The following SYT13 variants were observed in gnomAD, a reference collection of about 807,000 sequenced individuals.
SYT13 encodes the protein synaptotagmin 13.
In SYT13, 21 loss-of-function variants were observed where a neutral mutation model predicts 38.6. The observed-to-expected ratio is 0.54, with a 90% CI of 0.39 to 0.78. The LOEUF is 0.78. SYT13 is among the 30% of genes least tolerant of loss of function. The probability of loss-of-function intolerance (pLI) is 0.00; values close to 1 mark genes in which losing one functional copy is unlikely to be tolerated. For synonymous variants in SYT13, 241 were observed against 237.6 expected, an observed-to-expected ratio of 1.01 and a Z score of -0.13; for missense variants, 495 against 548.7, an observed-to-expected ratio of 0.90 and a Z score of 0.98.
chr11:45,274,565 T>C (rs1216472963), intron 1 of SYT13, among the ~76,000 whole-genome samples: 2 of 152,176 alleles, frequency 1.3e-5, no homozygotes, highest in Admixed American at 6.5e-5. Context: ...TTTAAGATGC[T>C]CCGCGATATG....
chr11:45,265,626 T>G (rs961035005), intron 1 of SYT13, among the ~76,000 whole-genome samples: 1 of 152,174 alleles, frequency 6.6e-6, no homozygotes, highest in Admixed American at 6.5e-5. Context: ...CTCACATGGT[T>G]GAGAGCAGAC....
At chr11:45,257,435 C>T (rs570081612) in intron 1 of SYT13, among the ~76,000 whole-genome samples, 20 of 152,270 alleles carry the variant, frequency 1.3e-4, no homozygotes, top group African/African-American at 4.8e-4. Flanking sequence ...ACCTCCTGCC[C>T]TCCATGCTAG....
chr11:45,271,635 G>A (rs1164969762), intron 1 of SYT13, among the ~76,000 whole-genome samples: 1 of 152,246 alleles, frequency 6.6e-6, no homozygotes, highest in East Asian at 1.9e-4. Flanking sequence ...TTGACAGTTT[G>A]TGAGTAGGAG....
intron 1 of SYT13, among the ~76,000 whole-genome samples, chr11:45,274,871 A>G (rs1467679191): frequency 6.6e-6 from 1 of 152,178 alleles, no homozygotes; most frequent in Non-Finnish European, 1.5e-5. Flanking sequence ...CAAATAAAAC[A>G]TCTCCCTGGG....
chr11:45,272,680 G>C (rs1278838351), intron 1 of SYT13, among the ~76,000 whole-genome samples: 1 of 152,228 alleles, frequency 6.6e-6, no homozygotes, highest in Non-Finnish European at 1.5e-5. Context: ...TGGAAGGTCA[G>C]TGATATCAGA....
chr11:45,276,729 TA>T (rs1386525122), intron 1 of SYT13, among the ~76,000 whole-genome samples: 9 of 150,794 alleles, frequency 6.0e-5, no homozygotes, highest in African/African-American at 2.2e-4. Flanking sequence ...AAAAAATAAA[TA>T]AAATAAATAA....
rs1854547509 is a variant in SYT13 at position 45,241,303 on chromosome 11, C to A, written c.*2749G>T. 6.6e-6 allele frequency: 1 copy of A among 152,186 alleles called. No homozygotes were observed. The allele number at this position is 152,186 out of a possible 1,614,324, so 9.4% of individuals were successfully genotyped here. A position where few individuals can be genotyped will look rare whatever the true frequency, so the allele number is the denominator to read the frequency against. On this transcript the variant is annotated 3_prime_UTR_variant, in exon 6 of 6. Transcript: ENST00000020926. ...CAAATATATATGAATATATATGGAG[C>A]ACCCATGAGACAGCTTTATCCCAGG... is the stretch of plus-strand genomic sequence containing the variant.
Position 45,241,057 on chromosome 11 carries a change from G to A in SYT13, c.*2995C>T, listed in dbSNP as rs1423684815. On this transcript the variant is annotated 3_prime_UTR_variant, in exon 6 of 6. Coordinates refer to ENST00000020926, the MANE Select transcript of SYT13 (RefSeq NM_020826.3). ...GATGGAGTTTTAGTGGAAAAGCAGA[G>A]CAATTATATTCTCTTCATCTGTTGA... 6.6e-6 allele frequency: 1 copy of A among 152,220 alleles called. No individual in the cohort carries two copies. The highest frequency in any genetic ancestry group is 2.4e-5 in the African/African-American group (1 of 41,458). 9.4% of individuals were successfully genotyped at this position (152,220 alleles called of 1,614,324 possible). A position where few individuals can be genotyped will look rare whatever the true frequency, so the allele number is the denominator to read the frequency against.
chr11:45,249,532 A>ATG (rs1854649188), intron 4 of SYT13, among the ~76,000 whole-genome samples: 1 of 152,244 alleles, frequency 6.6e-6, no homozygotes, highest in Non-Finnish European at 1.5e-5. Flanking sequence ...AATAAAGAAT[A>ATG]TGTGGCCCAT....
Position 45,254,517 on chromosome 11 carries a change from G to A in SYT13, c.410-113C>T, listed in dbSNP as rs368052128. 6 of 1,456,868 alleles carry A rather than the reference G, an allele frequency of 4.1e-6. No homozygotes were observed. In the East Asian group the frequency reaches 7.1e-5, roughly 17 times the overall value. The allele number at this position is 1,456,868 out of a possible 1,614,324, so 90.2% of individuals were successfully genotyped here. ...AGGAACCCAAACCCAAGTCTTCCCA[G>A]CTGTGTGCAGAATCACAGTGGCCAC... On this transcript the variant is annotated intron_variant, in intron 2 of 5. Transcript: ENST00000020926.
At chr11:45,245,154 C>T (rs1320176447) in intron 5 of SYT13, among the ~76,000 whole-genome samples, 2 of 152,220 alleles carry the variant, frequency 1.3e-5, no homozygotes, top group Non-Finnish European at 2.9e-5. Context: ...TTCCTGCACG[C>T]TCCCCCAAAC....
At chr11:45,253,401 C>G (rs776670744) in intron 3 of SYT13, among the ~76,000 whole-genome samples, 1 of 152,194 alleles carries the variant, frequency 6.6e-6, no homozygotes, top group Non-Finnish European at 1.5e-5. Flanking sequence ...AGTCATATGA[C>G]TTGCCAGACC....
intron 2 of SYT13, 190 bp from the exon 3 acceptor site, chr11:45,254,594 TC>T: frequency 1.7e-6 from 1 of 592,036 alleles, no homozygotes; most frequent in Non-Finnish European, 2.7e-6. Context: ...TGCATCTGTG[TC>T]CACTGGCTCC....
chr11:45,270,144 C>A (rs1019107826), intron 1 of SYT13, among the ~76,000 whole-genome samples: 3 of 152,170 alleles, frequency 2.0e-5, no homozygotes, highest in African/African-American at 7.2e-5. Context: ...TCCACTTCTG[C>A]CCCCTCTCCT....
chr11:45,276,720 A>AT lies in SYT13; in HGVS notation c.183+9304_183+9305insA, dbSNP rs200587492. ...CCAGTAGGATGACTTTTTAAAAAAAAAAAATAAATAAAATAAATAAAAATT... is the reference window on the plus strand; with the variant it reads ...CCAGTAGGATGACTTTTTAAAAAAAATAAAATAAATAAAATAAATAAAAATT... On this transcript the variant is annotated intron_variant, in intron 1 of 5. Coordinates refer to ENST00000020926, the MANE Select transcript of SYT13 (RefSeq NM_020826.3). Among the ~76,000 whole-genome samples the AT allele has an allele frequency of 3.4e-3, 459 of 134,254 alleles. 2 individuals carry two copies. Among genetic ancestry groups the AT allele is most frequent in the African/African-American group, 0.012 (440 of 35,512 alleles). 88.1% of individuals were successfully genotyped at this position (134,254 alleles called of 152,430 possible).
chr11:45,269,495 A>T lies in SYT13; in HGVS notation c.184-13604T>A, dbSNP rs533272550. ...TGGCCACCACCTCTGTAAACTTCAT[A>T]TGTAACAGATGCTCTGCAATGCACA... On this transcript the variant is annotated intron_variant, in intron 1 of 5. Transcript: ENST00000020926. 74 of 1,287,414 alleles carry T rather than the reference A, an allele frequency of 5.7e-5. No individual in the cohort carries two copies. The African/African-American group carries it at 8.5e-4, about 15-fold the overall frequency. 79.7% of individuals were successfully genotyped at this position (1,287,414 alleles called of 1,614,324 possible). A position where few individuals can be genotyped will look rare whatever the true frequency, so the allele number is the denominator to read the frequency against.
chr11:45,261,898 A>C (rs1425602452), intron 1 of SYT13, among the ~76,000 whole-genome samples: 2 of 149,296 alleles, frequency 1.3e-5, no homozygotes, highest in South Asian at 2.1e-4. Context: ...CCTAGGTGAC[A>C]GAGCAAGACC....
chr11:45,269,968 G>A (rs1157654742), intron 1 of SYT13, among the ~76,000 whole-genome samples: 4 of 152,190 alleles, frequency 2.6e-5, no homozygotes, highest in African/African-American at 7.2e-5. Context: ...ATAAACTGAT[G>A]TATTTTAAAA....
intron 4 of SYT13, among the ~76,000 whole-genome samples, chr11:45,250,733 A>G (rs1318425467): frequency 6.6e-6 from 1 of 152,152 alleles, no homozygotes; most frequent in Non-Finnish European, 1.5e-5. Context: ...CCTGGGAAAG[A>G]GGAAAAAATG....
Sources: gnomAD v4.1 joint callset for allele counts (sites outside exome capture counted in the v4.1 genomes callset) on GRCh38, gnomAD v4.1.1 for gene constraint, MANE v1.5 for transcripts, NCBI Gene and HGNC (gene_info 2026-07-23, HGNC 2026-07-21) for gene names.